The following SOX5 variants were observed in gnomAD, a reference collection of about 807,000 sequenced individuals.
The protein encoded by SOX5 is transcription factor SOX-5.
SOX5 carries 9 observed loss-of-function variants against 92.0 expected under a neutral mutation model. The ratio of observed to expected loss-of-function variants is 0.10; its 90% CI spans 0.06 to 0.17. SOX5 has a LOEUF of 0.17. Ranked by LOEUF, SOX5 falls within the 10% of genes least tolerant of loss-of-function variation. The pLI, the probability that SOX5 is intolerant of heterozygous loss-of-function variation, is 1.00. For synonymous variants in SOX5, 344 were observed against 336.3 expected (o/e 1.02, Z -0.25); for missense variants, 642 against 944.5 (o/e 0.68, Z 4.20).
chr12:24,069,125 C>CA (rs72046195), intron 4 of SOX5, among the ~76,000 whole-genome samples: 1 of 151,560 alleles, frequency 6.6e-6, no homozygotes, highest in African/African-American at 2.4e-5. Context: ...AAAAAATAGA[C>CA]AAAGTTTTCC....
At chr12:23,678,291 A>T (rs1359187176) in intron 6 of SOX5, among the ~76,000 whole-genome samples, 1 of 152,168 alleles carries the variant, frequency 6.6e-6, no homozygotes, top group Non-Finnish European at 1.5e-5. Context: ...CAAAAATCTG[A>T]GCAAAGTATG....
At chr12:23,839,535 C>T (rs1207719167) in intron 3 of SOX5, among the ~76,000 whole-genome samples, 1 of 152,046 alleles carries the variant, frequency 6.6e-6, no homozygotes, top group Admixed American at 6.6e-5. Context: ...CAGATAAAGA[C>T]ATTACATAAA....
chr12:24,160,154 A>AT (rs1290672489), intron 4 of SOX5, among the ~76,000 whole-genome samples: 6 of 151,920 alleles, frequency 3.9e-5, no homozygotes, highest in Non-Finnish European at 7.4e-5. Flanking sequence ...TGTCAAAGGT[A>AT]TTTTTTTTCT....
rs371791817 is a variant in SOX5, at chr12:23,755,251, T to C, written c.568+387A>G. ...CATTTCTGGTTTTAAATTTAGGTTC[T>C]ACACACCCATATTTCTTATATGTAC... On this transcript the variant is annotated intron_variant, in intron 4 of 14. Transcript: ENST00000451604. 4.6e-5 allele frequency among the ~76,000 whole-genome samples: 7 copies of C among 151,972 alleles called. No individual in the cohort carries two copies. In the East Asian group the frequency reaches 1.2e-3, roughly 25 times the overall value.
intron 4 of SOX5, among the ~76,000 whole-genome samples, chr12:23,983,991 GA>G (rs1949835318): frequency 6.6e-6 from 1 of 152,158 alleles, no homozygotes; most frequent in African/African-American, 2.4e-5. Flanking sequence ...GAAACACCAT[GA>G]TTTCTACATT....
chr12:23,746,369 T>A (rs1593968082), intron 4 of SOX5, among the ~76,000 whole-genome samples: 1 of 152,280 alleles, frequency 6.6e-6, no homozygotes, highest in East Asian at 1.9e-4. Context: ...AACTTATATA[T>A]GTGTGTGTCT....
At chr12:24,200,998 C>T (rs1005656641) in intron 4 of SOX5, among the ~76,000 whole-genome samples, 26 of 152,296 alleles carry the variant, frequency 1.7e-4, no homozygotes, top group Non-Finnish European at 1.2e-4. Context: ...AGACCTCCAC[C>T]TCCCTGGTCA....
rs543992302 is a variant in SOX5 at position 23,963,949 on chromosome 12, T to C, written c.-1-67925A>G. Among the ~76,000 whole-genome samples, 15 of 152,056 alleles carry C rather than the reference T, an allele frequency of 9.9e-5. No homozygotes were observed. The Middle Eastern group carries it at 0.014, about 139-fold the overall frequency. ...ACAGTAGTCTTCAAACATTTTGGCCTTGAAACACTTTATCAGAAACCAAAC... is the reference window on the plus strand; with the variant it reads ...ACAGTAGTCTTCAAACATTTTGGCCCTGAAACACTTTATCAGAAACCAAAC... On this transcript the variant is annotated intron_variant, in intron 4 of 4. Coordinates refer to the SOX5 transcript ENST00000446891.
At chr12:23,538,204 TAA>T (rs1941044398) in intron 13 of SOX5, among the ~76,000 whole-genome samples, 1 of 152,184 alleles carries the variant, frequency 6.6e-6, no homozygotes, top group South Asian at 2.1e-4. Flanking sequence ...CTTACACATG[TAA>T]AGAGTTCCTC....
intron 4 of SOX5, among the ~76,000 whole-genome samples, chr12:23,983,601 T>C (rs981949468): frequency 2.6e-5 from 4 of 152,192 alleles, no homozygotes; most frequent in Non-Finnish European, 5.9e-5. Flanking sequence ...CAATTAAATA[T>C]CTTGAAAGCA....
At chr12:24,524,411 C>A (rs1177428298) in intron 1 of SOX5, among the ~76,000 whole-genome samples, 1 of 152,166 alleles carries the variant, frequency 6.6e-6, no homozygotes, top group Non-Finnish European at 1.5e-5. Context: ...ATCCTTCTAT[C>A]CATCCTACTG....
At chr12:24,044,259 C>T (rs528616245) in intron 4 of SOX5, among the ~76,000 whole-genome samples, 63 of 150,726 alleles carry the variant, frequency 4.2e-4, no homozygotes, top group African/African-American at 1.5e-3. Flanking sequence ...CATAATGCCT[C>T]AGCGGAGAAG....
intron 3 of SOX5, among the ~76,000 whole-genome samples, chr12:23,829,301 C>T (rs1368919428): frequency 6.6e-6 from 1 of 152,106 alleles, no homozygotes; most frequent in African/African-American, 2.4e-5. Context: ...AACACACATG[C>T]ACGCACAGAC....
chr12:24,247,645 CTTTTTTTTTTTTT>C (rs11300258), intron 3 of SOX5, among the ~76,000 whole-genome samples: 1 of 75,584 alleles, frequency 1.3e-5, no homozygotes, highest in Non-Finnish European at 2.7e-5. Context: ...TATTTATTTA[CTTTTTTTTTTTTT>C]TTTTTTTTTT....
intron 9 of SOX5, among the ~76,000 whole-genome samples, chr12:23,602,425 G>A (rs1013093291): frequency 6.6e-6 from 1 of 152,122 alleles, no homozygotes; most frequent in Non-Finnish European, 1.5e-5. Context: ...GGATAAATGA[G>A]TGAATGGACA....
rs71059938 is a variant in SOX5 at position 23,872,164 on chromosome 12, A to ATTTTTTT, written c.270+23622_270+23628dup. On this transcript the variant is annotated intron_variant, in intron 2 of 14. Transcript: ENST00000451604. The stretch of plus-strand genomic sequence containing the variant: ...AGGCGCCCGCCACCACGCCCGGCTA[A>ATTTTTTT]TTTTTTTTTTTTTTTTTTTTTTTTT... Among the ~76,000 whole-genome samples the ATTTTTTT allele has an allele frequency of 7.0e-4, 43 of 61,648 alleles. 4 individuals carry two copies. Among genetic ancestry groups the ATTTTTTT allele is most frequent in the Non-Finnish European group, 1.3e-3 (40 of 30,948 alleles). The allele number at this position is 61,648 out of a possible 152,430, so 40.4% of individuals were successfully genotyped here. A position where few individuals can be genotyped will look rare whatever the true frequency, so the allele number is the denominator to read the frequency against.
At chr12:23,759,710 C>G (rs1442364157) in intron 3 of SOX5, among the ~76,000 whole-genome samples, 1 of 152,054 alleles carries the variant, frequency 6.6e-6, no homozygotes, top group African/African-American at 2.4e-5. Context: ...TACAATACAC[C>G]TGTTTGTTAA....
intron 2 of SOX5, among the ~76,000 whole-genome samples, chr12:24,315,679 A>G (rs1949632775): frequency 6.6e-6 from 1 of 152,198 alleles, no homozygotes; most frequent in Non-Finnish European, 1.5e-5. Context: ...ATAAAATATG[A>G]AAGTTTCTTT....
intron 3 of SOX5, among the ~76,000 whole-genome samples, chr12:24,229,623 A>C (rs1962931256): frequency 6.6e-6 from 1 of 152,186 alleles, no homozygotes; most frequent in African/African-American, 2.4e-5. Context: ...ATTATTTGTA[A>C]ATCACTTTGA....
Sources: allele counts gnomAD v4.1 joint callset (sites outside exome capture counted in the v4.1 genomes callset), GRCh38; gene constraint gnomAD v4.1.1; transcripts MANE v1.5; gene names NCBI Gene and HGNC (gene_info 2026-07-23, HGNC 2026-07-21).